The following RNF6 variants were observed in gnomAD, a reference collection of about 807,000 sequenced individuals.
RNF6 encodes the protein ring finger protein 6, also known as E3 ubiquitin-protein ligase RNF6.
In RNF6, 21 loss-of-function variants were observed where a neutral mutation model predicts 50.1. The ratio of observed to expected loss-of-function variants is 0.42; its 90% CI spans 0.30 to 0.60. The LOEUF is 0.60. Ranked by LOEUF, RNF6 falls within the 20% of genes least tolerant of loss-of-function variation. The pLI, the probability that RNF6 is intolerant of heterozygous loss-of-function variation, is 0.20. For synonymous variants in RNF6, 255 were observed against 291.8 expected (o/e 0.87, Z 1.29); for missense variants, 698 against 838.2 (o/e 0.83, Z 2.07).
rs149821879 is a variant in RNF6 at position 26,154,928 on chromosome 13, G to A, written n.769-22477C>T. On this transcript the variant is annotated intron_variant and non_coding_transcript_variant, in intron 5 of 5. Coordinates refer to the RNF6 transcript ENST00000468480. Reference sequence around the variant, plus strand: ...ACCTGTAATCCAAGTTACTCAGGAGGCTGAGGCAGGAGAATCGCTTGAACC... The same window carrying A: ...ACCTGTAATCCAAGTTACTCAGGAGACTGAGGCAGGAGAATCGCTTGAACC... Among the ~76,000 whole-genome samples the A allele has an allele frequency of 3.4e-4, 51 of 152,190 alleles. 1 individual carries two copies. In the East Asian group the frequency reaches 9.5e-3, roughly 28 times the overall value.
In RNF6 at chr13:26,219,319, AG is replaced by A. The variant is rs999476742; in HGVS notation, c.193+137del. On this transcript the variant is annotated intron_variant, in intron 3 of 4. Coordinates refer to ENST00000381588, the MANE Select transcript of RNF6 (RefSeq NM_005977.4). The stretch of plus-strand genomic sequence containing the variant: ...GATTTTCTACTTTATTATACTAAAA[AG>A]TTCTTAAACTCACAAAAACAATATA... 10 of 709,634 alleles carry A rather than the reference AG, an allele frequency of 1.4e-5. No homozygotes were observed. In the African/African-American group the frequency reaches 1.8e-4, roughly 13 times the overall value. The allele number at this position is 709,634 out of a possible 1,614,324, so 44.0% of individuals were successfully genotyped here.
intron 5 of RNF6, among the ~76,000 whole-genome samples, chr13:26,173,892 A>T (rs930529041): frequency 6.8e-6 from 1 of 147,198 alleles, no homozygotes; most frequent in Non-Finnish European, 1.5e-5. Context: ...CAGAGGTTGC[A>T]GTGAGCCAGG....
chr13:26,173,664 T>C (rs1051257966), intron 5 of RNF6, among the ~76,000 whole-genome samples: 2 of 152,030 alleles, frequency 1.3e-5, no homozygotes, highest in Non-Finnish European at 1.5e-5. Flanking sequence ...ATTTTTGCTT[T>C]GCTTTATCTC....
chr13:26,172,823 G>A (rs143350556), intron 5 of RNF6, among the ~76,000 whole-genome samples: 28 of 152,174 alleles, frequency 1.8e-4, no homozygotes, highest in African/African-American at 6.0e-4. Flanking sequence ...GATTACAGGC[G>A]TGAGCCACCG....
intron 5 of RNF6, among the ~76,000 whole-genome samples, chr13:26,178,592 G>A (rs1401285462): frequency 7.6e-5 from 1 of 13,180 alleles, no homozygotes; most frequent in South Asian, 1.5e-3. Flanking sequence ...TGCCTGGTCC[G>A]TGTGTGTGTG....
At chr13:26,180,094 C>A (rs1873164578) in intron 5 of RNF6, among the ~76,000 whole-genome samples, 1 of 152,144 alleles carries the variant, frequency 6.6e-6, no homozygotes, top group Non-Finnish European at 1.5e-5. Flanking sequence ...CTGTTCTACC[C>A]CCAGATAATC....
chr13:26,153,533 A>G (rs1045185137), intron 5 of RNF6, among the ~76,000 whole-genome samples: 8 of 152,190 alleles, frequency 5.3e-5, no homozygotes, highest in Admixed American at 5.2e-4. Flanking sequence ...AAGAATGGGT[A>G]GGATATAGAT....
chr13:26,151,809 T>A (rs1212709884), intron 5 of RNF6, among the ~76,000 whole-genome samples: 2 of 152,154 alleles, frequency 1.3e-5, no homozygotes, highest in African/African-American at 4.8e-5. Flanking sequence ...GGGGGGAAAT[T>A]TTAGGATCGC....
intron 5 of RNF6, chr13:26,150,986 A>C (rs1489094132): frequency 6.6e-6 from 1 of 152,194 alleles, no homozygotes; most frequent in Non-Finnish European, 1.5e-5. Flanking sequence ...GTATTATTAC[A>C]CTCAAAGTCA....
At chr13:26,204,508 A>G (rs1869024027) in intron 5 of RNF6, among the ~76,000 whole-genome samples, 1 of 151,512 alleles carries the variant, frequency 6.6e-6, no homozygotes, top group East Asian at 1.9e-4. Flanking sequence ...AAAAAAAAAA[A>G]AAAAAAAGAA....
rs1356154689 is a variant in RNF6 at position 26,213,431 on chromosome 13, A to G, written c.*393T>C. 1 of 155,746 alleles carries G rather than the reference A, an allele frequency of 6.4e-6. No homozygotes were observed. Among genetic ancestry groups the G allele is most frequent in the Admixed American group, 6.5e-5 (1 of 15,432 alleles). 9.6% of individuals were successfully genotyped at this position (155,746 alleles called of 1,614,324 possible). The stretch of plus-strand genomic sequence containing the variant: ...TAAAAAGTTAATGAAAAGCTTATTT[A>G]GACACAAATGTCTAGATATAAGTAC... On this transcript the variant is annotated 3_prime_UTR_variant, in exon 5 of 5. Coordinates refer to ENST00000381588, the MANE Select transcript of RNF6 (RefSeq NM_005977.4).
At chr13:26,184,009 TATA>T in intron 5 of RNF6, among the ~76,000 whole-genome samples, 1 of 11,592 alleles carries the variant, frequency 8.6e-5, no homozygotes, top group African/African-American at 1.9e-4. Context: ...TATATATATA[TATA>T]TATATATTTT....
At chr13:26,182,253 T>G (rs1873276983) in intron 5 of RNF6, among the ~76,000 whole-genome samples, 1 of 152,222 alleles carries the variant, frequency 6.6e-6, no homozygotes, top group Non-Finnish European at 1.5e-5. Context: ...CATTCTCATG[T>G]CTATTTTTAT....
At chr13:26,138,122 C>T (rs1870744177) in intron 5 of RNF6, among the ~76,000 whole-genome samples, 1 of 152,142 alleles carries the variant, frequency 6.6e-6, no homozygotes, top group Non-Finnish European at 1.5e-5. Context: ...CTACTAATCA[C>T]ATCTAAGTTA....
downstream of RNF6, among the ~76,000 whole-genome samples, chr13:26,212,586 A>G (rs2137734820): frequency 6.6e-6 from 1 of 151,288 alleles, no homozygotes; most frequent in Admixed American, 6.6e-5. Context: ...AGTAAGAATA[A>G]TAATTCACTT....
intron 5 of RNF6, among the ~76,000 whole-genome samples, chr13:26,202,164 A>G (rs1259315752): frequency 2.0e-5 from 3 of 152,188 alleles, no homozygotes; most frequent in Non-Finnish European, 4.4e-5. Flanking sequence ...GACTTGGGCA[A>G]ATGATCCATC....
chr13:26,220,930 C>A (rs7329751), intron 2 of RNF6, among the ~76,000 whole-genome samples: 3,486 of 152,280 alleles, frequency 0.023, 130 homozygotes, highest in African/African-American at 0.08. Flanking sequence ...TCACCTGTAA[C>A]ACTAAATTAC....
chr13:26,211,652 G>A (rs771400555), downstream of RNF6, among the ~76,000 whole-genome samples: 11 of 152,232 alleles, frequency 7.2e-5, no homozygotes, highest in African/African-American at 9.6e-5. Flanking sequence ...CTGCTACTCC[G>A]GAGGCTGAGG....
downstream of RNF6, among the ~76,000 whole-genome samples, chr13:26,208,267 T>C (rs1030971484): frequency 6.6e-6 from 1 of 152,212 alleles, no homozygotes; most frequent in Non-Finnish European, 1.5e-5. Flanking sequence ...TAGTTTACGC[T>C]GAACACTTGC....
Sources: gnomAD v4.1 joint callset for allele counts (sites outside exome capture counted in the v4.1 genomes callset) on GRCh38, gnomAD v4.1.1 for gene constraint, MANE v1.5 for transcripts, NCBI Gene and HGNC (gene_info 2026-07-23, HGNC 2026-07-21) for gene names.